The following PDE9A variants were observed in gnomAD, a reference collection of about 807,000 sequenced individuals.
PDE9A encodes high affinity cGMP-specific 3',5'-cyclic phosphodiesterase 9A.
PDE9A carries 60 observed loss-of-function variants against 87.4 expected under a neutral mutation model. The observed-to-expected ratio is 0.69, with a 90% CI of 0.56 to 0.85. The LOEUF (loss-of-function observed/expected upper bound fraction) is 0.85. Ranked by LOEUF, PDE9A falls within the 40% of genes least tolerant of loss-of-function variation. The probability of loss-of-function intolerance (pLI) is 0.00; values close to 1 mark genes in which losing one functional copy is unlikely to be tolerated. For synonymous variants in PDE9A, 272 were observed against 279.4 expected, an observed-to-expected ratio of 0.97 and a Z score of 0.27; for missense variants, 665 against 779.0, an observed-to-expected ratio of 0.85 and a Z score of 1.74.
chr21:42,710,815 T>G (rs952195904), intron 4 of PDE9A, among the ~76,000 whole-genome samples: 1 of 152,054 alleles, frequency 6.6e-6, no homozygotes, highest in Non-Finnish European at 1.5e-5. Context: ...TGGTGAAACC[T>G]CCTCTCTACT....
Position 42,692,166 on chromosome 21 carries a change from G to A in PDE9A, c.218+4172G>A, listed in dbSNP as rs1235374833. Among the ~76,000 whole-genome samples the A allele has an allele frequency of 6.6e-6, 1 of 152,242 alleles. No homozygotes were observed. Among genetic ancestry groups the A allele is most frequent in the African/African-American group, 2.4e-5 (1 of 41,462 alleles). On this transcript the variant is annotated intron_variant, in intron 3 of 19. Coordinates refer to ENST00000291539, the MANE Select transcript of PDE9A (RefSeq NM_002606.3). This position sits in a 1 kb window ranked among gnomAD's most constrained non-coding sequence, Gnocchi z 4.3. ...CCAGCCCCTAAACGAGGCGGGGCATGCTGGGTGCAGGATGGAATGAGTTGG... is the reference window on the plus strand; with the variant it reads ...CCAGCCCCTAAACGAGGCGGGGCATACTGGGTGCAGGATGGAATGAGTTGG...
intron 4 of PDE9A, among the ~76,000 whole-genome samples, chr21:42,727,107 C>G (rs1388607720): frequency 7.4e-6 from 1 of 135,378 alleles, no homozygotes; most frequent in East Asian, 2.2e-4. Context: ...AAAAGTCTTG[C>G]TAGGCTTTCA....
chr21:42,717,379 C>T (rs981404607), intron 4 of PDE9A, among the ~76,000 whole-genome samples: 48 of 144,670 alleles, frequency 3.3e-4, no homozygotes, highest in African/African-American at 1.2e-3. Context: ...CAACCTCCGC[C>T]TCCTAGGTTC....
At chr21:42,677,361 A>G (rs944493730) in intron 1 of PDE9A, among the ~76,000 whole-genome samples, 2 of 152,188 alleles carry the variant, frequency 1.3e-5, no homozygotes, top group Admixed American at 6.5e-5. Flanking sequence ...CCTGACATAG[A>G]TATGTTTTTT....
chr21:42,737,041 T>C (rs1400542470), intron 7 of PDE9A, among the ~76,000 whole-genome samples: 2 of 152,202 alleles, frequency 1.3e-5, no homozygotes, highest in Non-Finnish European at 2.9e-5. Flanking sequence ...AAACGGAAAG[T>C]CCTTTTGAGG....
chr21:42,698,028 G>A (rs1322762843), intron 3 of PDE9A, among the ~76,000 whole-genome samples: 1 of 152,184 alleles, frequency 6.6e-6, no homozygotes. Flanking sequence ...TAGAGCGAGT[G>A]AATGAATGAA....
In PDE9A at chr21:42,685,710, C is replaced by T. The variant is rs562038447; in HGVS notation, c.70-482C>T. On this transcript the variant is annotated intron_variant, in intron 1 of 19. Transcript: ENST00000291539. ...CTGGAACTCCTGATCTCAGGTGATC[C>T]ACCCGCCTCTGCCTCCCAAAGTGCT... Among the ~76,000 whole-genome samples, 20 of 152,240 alleles carry T rather than the reference C, an allele frequency of 1.3e-4. No homozygotes were observed. In the South Asian group the frequency reaches 1.9e-3, roughly 14 times the overall value.
chr21:42,703,353 A>G (rs2048534995), intron 4 of PDE9A, among the ~76,000 whole-genome samples: 1 of 152,228 alleles, frequency 6.6e-6, no homozygotes. Context: ...AGGAGGGGCC[A>G]GGCCTGAGCC....
intron 8 of PDE9A, among the ~76,000 whole-genome samples, chr21:42,745,656 T>A (rs1202837159): frequency 1.3e-5 from 2 of 152,204 alleles, no homozygotes; most frequent in Non-Finnish European, 2.9e-5. Context: ...GGTTCAGCCC[T>A]CTGGCTGTCC....
At position 42,739,978 on chromosome 21, in the gene PDE9A, C is replaced by A. The variant is rs1183667685; in HGVS notation, c.569-3798C>A. Among the ~76,000 whole-genome samples the A allele has an allele frequency of 5.9e-5, 9 of 152,036 alleles. No individual in the cohort carries two copies. On this transcript the variant is annotated intron_variant, in intron 7 of 19. Transcript: ENST00000291539. The surrounding 1 kb of genome is among the most constrained non-coding windows in gnomAD (Gnocchi z 4.1). Reference sequence around the variant, plus strand: ...CCACTAACATGGGGAAGGGCCGTGACCTCCTGATGAGTGAAAATAGCAAGT... The same window carrying A: ...CCACTAACATGGGGAAGGGCCGTGAACTCCTGATGAGTGAAAATAGCAAGT...
chr21:42,758,816 G>T, intron 10 of PDE9A, 183 bp from the exon 11 acceptor site: 1 of 567,500 alleles, frequency 1.8e-6, no homozygotes, highest in Non-Finnish European at 3.2e-6. Flanking sequence ...AGGCTGGTCT[G>T]AAGACCTCTC....
Position 42,769,160 on chromosome 21 carries a change from G to A in PDE9A, c.1590+5G>A, listed in dbSNP as rs767602022. 6.2e-7 allele frequency: 1 copy of A among 1,612,106 alleles called. No individual in the cohort carries two copies. The highest frequency in any genetic ancestry group is 1.7e-5 in the Admixed American group (1 of 59,854). ...ATGTTTGAAACAGTGACCAAGGTGA[G>A]TAACTGTCACCACATGTCACACTTG... On this transcript the variant is annotated splice_donor_5th_base_variant and intron_variant, in intron 17 of 19. Transcript: ENST00000291539.
chr21:42,661,308 C>T (rs927668270), intron 1 of PDE9A, among the ~76,000 whole-genome samples: 3 of 151,530 alleles, frequency 2.0e-5, no homozygotes, highest in Non-Finnish European at 2.9e-5. Flanking sequence ...GGATTATAGG[C>T]GTGAGCCACC....
At chr21:42,673,536 C>A (rs1453132338) in intron 1 of PDE9A, among the ~76,000 whole-genome samples, 1 of 152,198 alleles carries the variant, frequency 6.6e-6, no homozygotes, top group Non-Finnish European at 1.5e-5. Context: ...GTGATACCGT[C>A]CTAACATATG....
intron 7 of PDE9A, among the ~76,000 whole-genome samples, chr21:42,738,189 G>A (rs775992147): frequency 2.0e-5 from 3 of 152,202 alleles, no homozygotes; most frequent in African/African-American, 2.4e-5. Flanking sequence ...TAAACACAGC[G>A]TGGGCCGTGG....
intron 1 of PDE9A, among the ~76,000 whole-genome samples, chr21:42,679,766 C>T (rs940826081): frequency 6.6e-6 from 1 of 152,212 alleles, no homozygotes; most frequent in Non-Finnish European, 1.5e-5. Context: ...ACGACTCACC[C>T]CCCACCCATG....
chr21:42,775,131 A>G, intron 19 of PDE9A, 149 bp from the exon 20 acceptor site: 1 of 626,332 alleles, frequency 1.6e-6, no homozygotes, highest in Non-Finnish European at 2.8e-6. Flanking sequence ...TAGTAGAGAC[A>G]GGGTTTCACC....
chr21:42,742,715 T>G lies in PDE9A; in HGVS notation c.569-1061T>G, dbSNP rs559297099. 5.3e-5 allele frequency among the ~76,000 whole-genome samples: 8 copies of G among 152,230 alleles called. No homozygotes were observed. In the South Asian group the frequency reaches 1.0e-3, roughly 20 times the overall value. Reference sequence around the variant, plus strand: ...CTCCTGACCTCGTGATCTGCCCACCTCAGCCTCCCAAAGTGCTGGGATTAC... The same window carrying G: ...CTCCTGACCTCGTGATCTGCCCACCGCAGCCTCCCAAAGTGCTGGGATTAC... On this transcript the variant is annotated intron_variant, in intron 7 of 19. Coordinates refer to ENST00000291539, the MANE Select transcript of PDE9A (RefSeq NM_002606.3).
At chr21:42,752,100 G>A (rs1487930413) in intron 9 of PDE9A, among the ~76,000 whole-genome samples, 1 of 152,122 alleles carries the variant, frequency 6.6e-6, no homozygotes, top group East Asian at 1.9e-4. Context: ...TCCAGAGACA[G>A]CAGAGGCCTG....
Sources: gnomAD v4.1 joint callset for allele counts (sites outside exome capture counted in the v4.1 genomes callset) on GRCh38, gnomAD v4.1.1 for gene constraint, Gnocchi (gnomAD v3.1) non-coding constraint, MANE v1.5 for transcripts, NCBI Gene and HGNC (gene_info 2026-07-23, HGNC 2026-07-21) for gene names.